Variants in SOX5 observed in about 807,000 individuals in gnomAD.
SOX5 encodes the protein transcription factor SOX-5.
A neutral mutation model predicts 92.0 loss-of-function variants in SOX5; 9 were observed. That is an observed-to-expected ratio of 0.10 (90% CI 0.06 to 0.17). The LOEUF (loss-of-function observed/expected upper bound fraction) is 0.17. Among genes scored for constraint, SOX5 ranks in the 10% least tolerant of loss-of-function variants. The pLI is 1.00. For missense variants in SOX5, 642 were observed against 944.5 expected, an observed-to-expected ratio of 0.68 and a Z score of 4.20; for synonymous variants, 344 against 336.3, an observed-to-expected ratio of 1.02 and a Z score of -0.25.
intron 4 of SOX5, among the ~76,000 whole-genome samples, chr12:23,958,323 G>GT (rs1056413186): frequency 2.0e-5 from 3 of 151,492 alleles, no homozygotes; most frequent in African/African-American, 2.4e-5. Context: ...ACACTTAATG[G>GT]TTTTTTTTCT....
intron 1 of SOX5, among the ~76,000 whole-genome samples, chr12:24,537,510 G>A (rs1951746051): frequency 6.6e-6 from 1 of 152,190 alleles, no homozygotes; most frequent in African/African-American, 2.4e-5. Flanking sequence ...GTCAACTGCA[G>A]TATATAACAT....
chr12:24,441,546 A>AT (rs929310634), intron 1 of SOX5, among the ~76,000 whole-genome samples: 3 of 152,128 alleles, frequency 2.0e-5, no homozygotes, highest in African/African-American at 4.8e-5. Context: ...CAAAGTGTTG[A>AT]TTTTTTTTCC....
chr12:24,327,744 C>G (rs535870999), intron 2 of SOX5, among the ~76,000 whole-genome samples: 1 of 151,826 alleles, frequency 6.6e-6, no homozygotes, highest in Non-Finnish European at 1.5e-5. Flanking sequence ...CCACCACGCC[C>G]GGCTAATTTT....
chr12:23,753,370 C>G (rs1188124350), intron 4 of SOX5, among the ~76,000 whole-genome samples: 1 of 151,594 alleles, frequency 6.6e-6, no homozygotes, highest in Non-Finnish European at 1.5e-5. Context: ...CACTTATTCA[C>G]TCACACATCT....
chr12:23,844,845 G>A (rs112855112), intron 3 of SOX5, among the ~76,000 whole-genome samples: 37 of 152,122 alleles, frequency 2.4e-4, no homozygotes, highest in African/African-American at 8.0e-4. Flanking sequence ...AGGTTGTCTG[G>A]ATCCCCCTCA....
At chr12:24,425,787 C>T (rs79347318) in intron 1 of SOX5, among the ~76,000 whole-genome samples, 3 of 152,136 alleles carry the variant, frequency 2.0e-5, no homozygotes. Flanking sequence ...TGGTCCAAAC[C>T]TCTTCTTACA....
chr12:23,920,637 T>A (rs1433346154), intron 1 of SOX5: 1 of 152,190 alleles, frequency 6.6e-6, no homozygotes, highest in African/African-American at 2.4e-5. Flanking sequence ...AAGAATACCA[T>A]TGCTTTTATC....
At chr12:23,947,406 A>T (rs1223433595) in intron 1 of SOX5, among the ~76,000 whole-genome samples, 1 of 151,958 alleles carries the variant, frequency 6.6e-6, no homozygotes, top group Non-Finnish European at 1.5e-5. Flanking sequence ...ACCTCCTTTG[A>T]AGAATATAAA....
intron 3 of SOX5, among the ~76,000 whole-genome samples, chr12:24,245,826 C>T (rs1938587883): frequency 6.6e-6 from 1 of 151,952 alleles, no homozygotes; most frequent in Admixed American, 6.6e-5. Flanking sequence ...TGTGTGAATG[C>T]AGAACTCAAA....
intron 1 of SOX5, among the ~76,000 whole-genome samples, chr12:24,464,719 A>G (rs1356453424): frequency 1.3e-5 from 2 of 152,216 alleles, no homozygotes; most frequent in East Asian, 1.9e-4. Context: ...TAAAAATCCT[A>G]TGAGATAGAA....
At chr12:24,527,051 C>A (rs1430922752) in intron 1 of SOX5, among the ~76,000 whole-genome samples, 1 of 152,152 alleles carries the variant, frequency 6.6e-6, no homozygotes, top group Non-Finnish European at 1.5e-5. Flanking sequence ...CTCGTCCTCC[C>A]AAAGTGCTGG....
chr12:24,299,352 G>C (rs1018432347), intron 2 of SOX5, among the ~76,000 whole-genome samples: 1 of 152,116 alleles, frequency 6.6e-6, no homozygotes, highest in Non-Finnish European at 1.5e-5. Flanking sequence ...ACAGACCCAA[G>C]TCTGAAAGAA....
At chr12:23,702,887 A>T (rs1230554840) in intron 6 of SOX5, among the ~76,000 whole-genome samples, 1 of 152,090 alleles carries the variant, frequency 6.6e-6, no homozygotes, top group African/African-American at 2.4e-5. Context: ...AAAGGCCACA[A>T]TGAGTGCAAG....
chr12:24,321,806 T>C (rs1950231535), intron 2 of SOX5, among the ~76,000 whole-genome samples: 1 of 152,174 alleles, frequency 6.6e-6, no homozygotes, highest in African/African-American at 2.4e-5. Flanking sequence ...TAACTTAGTA[T>C]TAAAACAGAA....
chr12:24,434,870 T>C (rs1235780714), intron 1 of SOX5, among the ~76,000 whole-genome samples: 1 of 152,232 alleles, frequency 6.6e-6, no homozygotes, highest in Non-Finnish European at 1.5e-5. Flanking sequence ...CTTTATAAAT[T>C]ACCCTGTCTT....
At chr12:24,049,024 G>A (rs114451352) in intron 4 of SOX5, among the ~76,000 whole-genome samples, 1 of 152,114 alleles carries the variant, frequency 6.6e-6, no homozygotes, top group Non-Finnish European at 1.5e-5. Flanking sequence ...ACATCTCAAT[G>A]TAAATGATGT....
At chr12:23,572,209 C>T (rs970512089) in intron 10 of SOX5, among the ~76,000 whole-genome samples, 51 of 152,254 alleles carry the variant, frequency 3.3e-4, no homozygotes, top group Non-Finnish European at 6.2e-4. Context: ...ATGTGATTAA[C>T]GATAACTTAA....
chr12:24,224,172 C>T (rs1391561012), intron 3 of SOX5, among the ~76,000 whole-genome samples: 1 of 152,156 alleles, frequency 6.6e-6, no homozygotes, highest in Non-Finnish European at 1.5e-5. Context: ...ACAAACAGTG[C>T]CTGCAAGATC....
chr12:24,456,610 A>G (rs1943047366), intron 1 of SOX5, among the ~76,000 whole-genome samples: 3 of 152,186 alleles, frequency 2.0e-5, no homozygotes, highest in Admixed American at 1.3e-4. Flanking sequence ...TAACAAATGA[A>G]GGAACTGAGG....
Sources: gnomAD v4.1 joint callset for allele counts (sites outside exome capture counted in the v4.1 genomes callset) on GRCh38, gnomAD v4.1.1 for gene constraint, MANE v1.5 for transcripts, NCBI Gene and HGNC (gene_info 2026-07-23, HGNC 2026-07-21) for gene names.